Variants in MXI1 observed in about 807,000 individuals in gnomAD.
MXI1 encodes the protein max-interacting protein 1.
A neutral mutation model predicts 36.9 loss-of-function variants in MXI1; 18 were observed. That is an observed-to-expected ratio of 0.49 (90% CI 0.34 to 0.72). The LOEUF (loss-of-function observed/expected upper bound fraction) is 0.72. Ranked by LOEUF, MXI1 falls within the 30% of genes least tolerant of loss-of-function variation. The probability of loss-of-function intolerance (pLI) is 0.01; values close to 1 mark genes in which losing one functional copy is unlikely to be tolerated. For missense variants in MXI1, 304 were observed against 379.1 expected (o/e 0.80, Z 1.64); for synonymous variants, 160 against 146.7 (o/e 1.09, Z -0.65).
rs187316793 is a variant in MXI1 at position 110,239,591 on chromosome 10, G to A, written c.408-5237G>A. ...TTCTAATTAAATTTCATTGTGATTG[G>A]AGAACTTACTCTGTATGATTTCAGT... On this transcript the variant is annotated intron_variant, in intron 2 of 5. Coordinates refer to ENST00000332674, the MANE Select transcript of MXI1 (RefSeq NM_130439.3). Among the ~76,000 whole-genome samples, 877 of 152,122 alleles carry A rather than the reference G, an allele frequency of 5.8e-3. 2 individuals carry two copies. The highest frequency in any genetic ancestry group is 0.014 in the Middle Eastern group (4 of 294).
At chr10:110,230,965 G>A (rs989876686) in intron 2 of MXI1, among the ~76,000 whole-genome samples, 2 of 152,206 alleles carry the variant, frequency 1.3e-5, no homozygotes, top group African/African-American at 4.8e-5. Context: ...ACTGATGTAT[G>A]TTATAAAATG....
Position 110,207,805 on chromosome 10 carries a change from C to T in MXI1, c.-4C>T. 8.9e-7 allele frequency: 1 copy of T among 1,123,546 alleles called. No individual in the cohort carries two copies. The highest frequency in any genetic ancestry group is 1.1e-6 in the Non-Finnish European group (1 of 917,478). The allele number at this position is 1,123,546 out of a possible 1,614,324, so 69.6% of individuals were successfully genotyped here. On this transcript the variant is annotated 5_prime_UTR_variant, in exon 1 of 6. Coordinates refer to ENST00000332674, the MANE Select transcript of MXI1 (RefSeq NM_130439.3). ...GGACGAGCTCGGCGGACCCCCGCTC[C>T]TCCATGGGCAAACGCGGGCGGCCGC...
At position 110,284,959 on chromosome 10, in the gene MXI1, CCAGTGT is replaced by C; in HGVS notation, c.863_868del (p.Ser288_Val289del). On this transcript the variant is annotated inframe_deletion, in exon 6 of 6. Transcript: ENST00000332674. ...GGGAGTGACGAGGGTTACTCCAGTG[CCAGTGT>C]CAAACTTTCATTCACTTCATAGAAC... The C allele has an allele frequency of 1.2e-6, 2 of 1,612,528 alleles. No individual in the cohort carries two copies. The highest frequency in any genetic ancestry group is 1.7e-6 in the Non-Finnish European group (2 of 1,179,510).
intron 1 of MXI1, among the ~76,000 whole-genome samples, chr10:110,213,412 T>A (rs1854555784): frequency 6.6e-6 from 1 of 152,010 alleles, no homozygotes; most frequent in South Asian, 2.1e-4. Flanking sequence ...GGGGGTGGAG[T>A]AGGGTATTTG....
At chr10:110,275,917 C>T (rs928671600) in intron 3 of MXI1, among the ~76,000 whole-genome samples, 3 of 152,044 alleles carry the variant, frequency 2.0e-5, no homozygotes, top group Non-Finnish European at 4.4e-5. Context: ...TAAGCTGTAT[C>T]TCAGAGCAGA....
chr10:110,258,420 A>T (rs558453158), intron 3 of MXI1, among the ~76,000 whole-genome samples: 7 of 152,174 alleles, frequency 4.6e-5, no homozygotes, highest in Non-Finnish European at 1.0e-4. Flanking sequence ...GAATTTTCTT[A>T]TGAAACTCTT....
intron 3 of MXI1, among the ~76,000 whole-genome samples, chr10:110,265,974 C>G (rs1264261142): frequency 6.6e-6 from 1 of 152,204 alleles, no homozygotes; most frequent in Non-Finnish European, 1.5e-5. Flanking sequence ...AGTGAACTTG[C>G]AGCTTTTCAG....
chr10:110,267,215 T>G (rs1324152671), intron 3 of MXI1, among the ~76,000 whole-genome samples: 1 of 152,174 alleles, frequency 6.6e-6, no homozygotes, highest in Non-Finnish European at 1.5e-5. Flanking sequence ...ATACAATATG[T>G]GGTAACTATA....
chr10:110,236,124 CTTTTTTTTTTTTTTTTTTTTTTTTTTT>C (rs60576710), intron 2 of MXI1, among the ~76,000 whole-genome samples: 5 of 33,540 alleles, frequency 1.5e-4, no homozygotes, highest in Admixed American at 4.8e-4. Flanking sequence ...GGTTGAAGTT[CTTTTTTTTTTTTTTTTTTTTTTTTTTT>C]TTTTTTTTTT....
chr10:110,271,547 A>G (rs142687699), intron 3 of MXI1, among the ~76,000 whole-genome samples: 11 of 152,288 alleles, frequency 7.2e-5, no homozygotes, highest in Non-Finnish European at 1.6e-4. Flanking sequence ...ATGGCCTGAA[A>G]ATGAGTTAGA....
chr10:110,284,560 A>C (rs112380392), intron 5 of MXI1, among the ~76,000 whole-genome samples: 37 of 152,342 alleles, frequency 2.4e-4, no homozygotes, highest in African/African-American at 8.4e-4. Context: ...AAATACGCCA[A>C]GTGCTTTAGG....
At chr10:110,255,653 T>C (rs1033565750) in intron 3 of MXI1, among the ~76,000 whole-genome samples, 2 of 152,172 alleles carry the variant, frequency 1.3e-5, no homozygotes, top group African/African-American at 4.8e-5. Context: ...CAAAATACTT[T>C]TGAAATAAAT....
At chr10:110,253,258 A>AT (rs961131940) in intron 3 of MXI1, among the ~76,000 whole-genome samples, 32 of 151,148 alleles carry the variant, frequency 2.1e-4, no homozygotes, top group Admixed American at 4.0e-4. Flanking sequence ...TAATGAATGC[A>AT]TTTTTTTTTC....
chr10:110,281,929 T>A lies in MXI1; in HGVS notation c.724+1844T>A, dbSNP rs1857264805. ...ATGTATAGCCTTTAACTTAACAGTT[T>A]TAGCAATTATTGCCCTTATTTCATT... is the stretch of plus-strand genomic sequence containing the variant. On this transcript the variant is annotated intron_variant, in intron 5 of 5. Transcript: ENST00000332674. Among the ~76,000 whole-genome samples the A allele has an allele frequency of 9.2e-5, 14 of 152,338 alleles. No homozygotes were observed. The South Asian group carries it at 2.3e-3, about 25-fold the overall frequency.
chr10:110,284,900 T>C lies in MXI1; in HGVS notation c.801T>C (p.Ser267=). The change falls in exon 6 of 6, where the codon AGT becomes AGC. Residue 267 remains serine (S), a synonymous_variant. Transcript: ENST00000332674. ...EVDNISTTSI[S]DIDDHSSLPS... is the part of the protein sequence containing the mutation. Reference sequence around the variant, plus strand: ...ACAATATAAGTACCACCAGCATCAGTGACATTGATGACCACAGCAGCCTGC... The same window carrying C: ...ACAATATAAGTACCACCAGCATCAGCGACATTGATGACCACAGCAGCCTGC... The C allele has an allele frequency of 6.2e-7, 1 of 1,613,698 alleles. No individual in the cohort carries two copies. The highest frequency in any genetic ancestry group is 8.5e-7 in the Non-Finnish European group (1 of 1,179,936).
intron 3 of MXI1, chr10:110,256,958 G>A (rs188288948): frequency 6.6e-6 from 1 of 152,326 alleles, no homozygotes; most frequent in African/African-American, 2.4e-5. Context: ...AGTATGTAAT[G>A]TGGTATGAGT....
chr10:110,253,525 A>G (rs1856176254), intron 3 of MXI1, among the ~76,000 whole-genome samples: 1 of 152,122 alleles, frequency 6.6e-6, no homozygotes, highest in Admixed American at 6.6e-5. Flanking sequence ...CGGTGTACAC[A>G]TTCTACAAAA....
chr10:110,233,324 C>T (rs1855339834), intron 2 of MXI1, among the ~76,000 whole-genome samples: 1 of 152,096 alleles, frequency 6.6e-6, no homozygotes, highest in African/African-American at 2.4e-5. Flanking sequence ...TCCTTTTCAG[C>T]TATCTTCATG....
chr10:110,259,933 T>G (rs528352812), intron 3 of MXI1, among the ~76,000 whole-genome samples: 2 of 152,186 alleles, frequency 1.3e-5, no homozygotes, highest in Admixed American at 1.3e-4. Context: ...ATCAGCACTA[T>G]GACAAACACA....
Sources: gnomAD v4.1 joint callset for allele counts (sites outside exome capture counted in the v4.1 genomes callset) on GRCh38, gnomAD v4.1.1 for gene constraint, MANE v1.5 for transcripts, NCBI Gene and HGNC (gene_info 2026-07-23, HGNC 2026-07-21) for gene names.